The following ADARB2 variants were observed in gnomAD, a reference collection of about 807,000 sequenced individuals.
ADARB2 encodes the protein adenosine deaminase RNA specific B2 (inactive), also known as inactive double-stranded RNA-specific editase B2.
A neutral mutation model predicts 62.2 loss-of-function variants in ADARB2; 25 were observed. The ratio of observed to expected loss-of-function variants is 0.40; its 90% CI spans 0.29 to 0.56. The LOEUF (loss-of-function observed/expected upper bound fraction) is 0.56. Among genes scored for constraint, ADARB2 ranks in the 20% least tolerant of loss-of-function variants. The pLI, the probability that ADARB2 is intolerant of heterozygous loss-of-function variation, is 0.43. For missense variants in ADARB2, 1,071 were observed against 1,077.4 expected (o/e 0.99, Z 0.08); for synonymous variants, 572 against 500.8 (o/e 1.14, Z -1.90).
intron 1 of ADARB2, among the ~76,000 whole-genome samples, chr10:1,691,488 G>A (rs544094676): frequency 6.6e-6 from 1 of 152,306 alleles, no homozygotes; most frequent in East Asian, 1.9e-4. Flanking sequence ...CATCCAAGCA[G>A]AGACTGCTGG....
intron 1 of ADARB2, among the ~76,000 whole-genome samples, chr10:1,735,422 T>G (rs1422953232): frequency 6.6e-6 from 1 of 152,230 alleles, no homozygotes; most frequent in Admixed American, 6.5e-5. Flanking sequence ...TGTTTATATT[T>G]ATAAAATGCA....
intron 3 of ADARB2, among the ~76,000 whole-genome samples, chr10:1,288,957 GT>G (rs1831439085): frequency 6.6e-6 from 1 of 152,142 alleles, no homozygotes; most frequent in Non-Finnish European, 1.5e-5. Context: ...TGAAAAACTG[GT>G]TCAGACATGA....
intron 1 of ADARB2, among the ~76,000 whole-genome samples, chr10:1,659,821 G>T (rs1373136519): frequency 2.0e-5 from 3 of 147,878 alleles, no homozygotes; most frequent in African/African-American, 7.4e-5. Context: ...TGCCTGCCCT[G>T]CCTGGGCGAC....
chr10:1,433,555 G>C (rs1335415054), intron 1 of ADARB2, among the ~76,000 whole-genome samples: 1 of 152,160 alleles, frequency 6.6e-6, no homozygotes, highest in African/African-American at 2.4e-5. Context: ...TGTCGGTGTT[G>C]AGGTTGTTGT....
At chr10:1,235,319 G>A (rs1486816654) in intron 5 of ADARB2, among the ~76,000 whole-genome samples, 1 of 123,788 alleles carries the variant, frequency 8.1e-6, no homozygotes, top group East Asian at 2.2e-4. Flanking sequence ...GACCCAGGTG[G>A]GGCGGGAGAG....
intron 1 of ADARB2, among the ~76,000 whole-genome samples, chr10:1,517,463 G>A (rs1244393463): frequency 6.6e-6 from 1 of 152,184 alleles, no homozygotes; most frequent in East Asian, 1.9e-4. Flanking sequence ...TCCACTTGGA[G>A]GTTCAGTAAG....
At chr10:1,585,132 T>G (rs927559455) in intron 1 of ADARB2, among the ~76,000 whole-genome samples, 1 of 152,112 alleles carries the variant, frequency 6.6e-6, no homozygotes, top group Non-Finnish European at 1.5e-5. Context: ...TGGTGGTGAT[T>G]GTCAATGTAG....
intron 1 of ADARB2, among the ~76,000 whole-genome samples, chr10:1,714,654 A>C (rs1398583907): frequency 6.6e-6 from 1 of 152,226 alleles, no homozygotes; most frequent in Non-Finnish European, 1.5e-5. Flanking sequence ...CTCCTCCCAC[A>C]GAAGGCAGGA....
At chr10:1,399,161 G>A (rs1354859063) in intron 1 of ADARB2, among the ~76,000 whole-genome samples, 8 of 152,162 alleles carry the variant, frequency 5.3e-5, no homozygotes, top group South Asian at 2.1e-4. Flanking sequence ...CCCCCTGGCC[G>A]CCTACAGGGG....
intron 1 of ADARB2, among the ~76,000 whole-genome samples, chr10:1,551,699 G>A (rs1832625001): frequency 6.6e-6 from 1 of 152,224 alleles, no homozygotes; most frequent in South Asian, 2.1e-4. Flanking sequence ...AGGCGCCAGG[G>A]CCTGGGATTG....
At chr10:1,611,340 A>G (rs1455530373) in intron 1 of ADARB2, among the ~76,000 whole-genome samples, 1 of 152,124 alleles carries the variant, frequency 6.6e-6, no homozygotes, top group Non-Finnish European at 1.5e-5. Flanking sequence ...CTCTCAACTT[A>G]CTCTCAGAAC....
intron 1 of ADARB2, among the ~76,000 whole-genome samples, chr10:1,517,862 C>G (rs752397205): frequency 6.6e-6 from 1 of 152,160 alleles, no homozygotes; most frequent in Non-Finnish European, 1.5e-5. Context: ...AGGATAGGCA[C>G]TCTGTGAGGA....
At chr10:1,375,152 A>G (rs1832411220) in intron 2 of ADARB2, among the ~76,000 whole-genome samples, 1 of 152,176 alleles carries the variant, frequency 6.6e-6, no homozygotes, top group South Asian at 2.1e-4. Flanking sequence ...GCACAACTCC[A>G]GGGCCCAGGG....
At chr10:1,266,026 C>T (rs1428250755) in intron 4 of ADARB2, among the ~76,000 whole-genome samples, 1 of 130,608 alleles carries the variant, frequency 7.7e-6, no homozygotes, top group Middle Eastern at 4.7e-3. Context: ...AGAGGGGGGC[C>T]CAGGGTCCCC....
At chr10:1,567,007 T>C (rs1832868098) in intron 1 of ADARB2, among the ~76,000 whole-genome samples, 1 of 152,070 alleles carries the variant, frequency 6.6e-6, no homozygotes, top group African/African-American at 2.4e-5. Flanking sequence ...AAATACAATG[T>C]AAGTAAGAAT....
At chr10:1,423,102 C>T (rs778669074) in intron 1 of ADARB2, among the ~76,000 whole-genome samples, 1 of 152,074 alleles carries the variant, frequency 6.6e-6, no homozygotes, top group Non-Finnish European at 1.5e-5. Context: ...CCAGCAGTCT[C>T]TCTGCTCCGA....
intron 1 of ADARB2, among the ~76,000 whole-genome samples, chr10:1,481,323 A>G (rs536323538): frequency 1.1e-4 from 16 of 152,354 alleles, no homozygotes; most frequent in African/African-American, 3.8e-4. Flanking sequence ...CAAAGACCTA[A>G]ATATATGACC....
Position 1,326,597 on chromosome 10 carries a change from C to T in ADARB2, c.1077+36431G>A, listed in dbSNP as rs187469709. Among the ~76,000 whole-genome samples, 244 of 152,158 alleles carry T rather than the reference C, an allele frequency of 1.6e-3. 1 individual carries two copies. The highest frequency in any genetic ancestry group is 4.4e-3 in the Admixed American group (67 of 15,294). ...GAAATTTGACTATTTTTATAAAAGC[C>T]GAGGAAGATGGAGGAGGAAATGAGC... is the stretch of plus-strand genomic sequence containing the variant. On this transcript the variant is annotated intron_variant, in intron 3 of 9. Transcript: ENST00000381312.
At chr10:1,212,743 C>T (rs1328630925) in intron 7 of ADARB2, among the ~76,000 whole-genome samples, 3 of 150,230 alleles carry the variant, frequency 2.0e-5, no homozygotes, top group Non-Finnish European at 4.4e-5. Flanking sequence ...TCCACCTCAC[C>T]GTGGCAGGCA....
Sources: gnomAD v4.1 joint callset for allele counts (sites outside exome capture counted in the v4.1 genomes callset) on GRCh38, gnomAD v4.1.1 for gene constraint, MANE v1.5 for transcripts, NCBI Gene and HGNC (gene_info 2026-07-23, HGNC 2026-07-21) for gene names.